Variants in SPOCK3 observed in about 807,000 individuals in gnomAD.
SPOCK3 encodes SPARC (osteonectin), cwcv and kazal like domains proteoglycan 3.
A neutral mutation model predicts 56.6 loss-of-function variants in SPOCK3; 30 were observed. That is an observed-to-expected ratio of 0.53 (90% CI 0.40 to 0.72). The LOEUF (loss-of-function observed/expected upper bound fraction) is 0.72. SPOCK3 is among the 30% of genes least tolerant of loss of function. The pLI, the probability that SPOCK3 is intolerant of heterozygous loss-of-function variation, is 0.00. For synonymous variants in SPOCK3, 196 were observed against 183.3 expected, an observed-to-expected ratio of 1.07 and a Z score of -0.56; for missense variants, 527 against 530.0, an observed-to-expected ratio of 0.99 and a Z score of 0.06.
chr4:166,952,142 T>A, intron 4 of SPOCK3, among the ~76,000 whole-genome samples: 1 of 152,162 alleles, frequency 6.6e-6, no homozygotes, highest in East Asian at 1.9e-4. Flanking sequence ...GTAGTCAAAT[T>A]GTCCCTGTTT....
chr4:166,778,644 T>C (rs1739832868), intron 7 of SPOCK3, among the ~76,000 whole-genome samples: 1 of 152,154 alleles, frequency 6.6e-6, no homozygotes, highest in Non-Finnish European at 1.5e-5. Context: ...TTAAAAATTA[T>C]TTTAGGTTCC....
At chr4:166,915,901 C>G (rs1352631818) in intron 4 of SPOCK3, among the ~76,000 whole-genome samples, 1 of 152,080 alleles carries the variant, frequency 6.6e-6, no homozygotes, top group Non-Finnish European at 1.5e-5. Context: ...AACTTGCTTC[C>G]ACTAATGAAG....
chr4:166,883,481 T>C (rs1733878940), intron 6 of SPOCK3, among the ~76,000 whole-genome samples: 1 of 152,204 alleles, frequency 6.6e-6, no homozygotes, highest in Admixed American at 6.5e-5. Flanking sequence ...ACAGCTATCT[T>C]TTTGTTTATG....
chr4:167,097,510 G>A (rs1390374909), intron 2 of SPOCK3, among the ~76,000 whole-genome samples: 1 of 151,542 alleles, frequency 6.6e-6, no homozygotes, highest in Non-Finnish European at 1.5e-5. Context: ...TAAGATGTGT[G>A]GAGTAGAAGC....
At chr4:167,081,085 C>T (rs937144623) in intron 2 of SPOCK3, among the ~76,000 whole-genome samples, 1 of 151,712 alleles carries the variant, frequency 6.6e-6, no homozygotes. Context: ...TTGAAGCTCA[C>T]CTGATAAATC....
At chr4:167,061,755 T>C (rs1040893244) in intron 3 of SPOCK3, among the ~76,000 whole-genome samples, 1 of 151,986 alleles carries the variant, frequency 6.6e-6, no homozygotes, top group Admixed American at 6.6e-5. Context: ...ATATACTCTA[T>C]GTAAAGAAGA....
chr4:167,000,147 C>T (rs896999187), intron 4 of SPOCK3, among the ~76,000 whole-genome samples: 1 of 152,124 alleles, frequency 6.6e-6, no homozygotes, highest in African/African-American at 2.4e-5. Context: ...ATATATGCCT[C>T]AAATTCTATA....
Position 166,801,611 on chromosome 4 carries a change from ATT to A in SPOCK3, c.590-9324_590-9323del, listed in dbSNP as rs1742603627. Among the ~76,000 whole-genome samples the A allele has an allele frequency of 4.6e-5, 7 of 152,272 alleles. No homozygotes were observed. In the South Asian group the frequency reaches 1.5e-3, roughly 32 times the overall value. Reference sequence around the variant, plus strand: ...AGTTACTGGATCAAATAATATAAATATTTAAAGACTCTCAATACATATAGACA... The same window carrying A: ...AGTTACTGGATCAAATAATATAAATATAAAGACTCTCAATACATATAGACA... On this transcript the variant is annotated intron_variant, in intron 6 of 10. Transcript: ENST00000357545.
chr4:167,162,474 A>G (rs769768154), intron 2 of SPOCK3, among the ~76,000 whole-genome samples: 1 of 152,114 alleles, frequency 6.6e-6, no homozygotes, highest in African/African-American at 2.4e-5. Flanking sequence ...TTAAGTTTAA[A>G]TTATCAAAAG....
intron 6 of SPOCK3, among the ~76,000 whole-genome samples, chr4:166,879,576 C>T (rs1733476512): frequency 6.6e-6 from 1 of 152,094 alleles, no homozygotes; most frequent in Admixed American, 6.6e-5. Context: ...AGGCAAATTA[C>T]CTTGCATATA....
At chr4:166,743,118 T>A (rs1440331517) in intron 8 of SPOCK3, among the ~76,000 whole-genome samples, 2 of 152,088 alleles carry the variant, frequency 1.3e-5, no homozygotes, top group Non-Finnish European at 2.9e-5. Flanking sequence ...ACATATAATA[T>A]GTAATATATA....
At chr4:166,831,771 T>TAA (rs771665694) in intron 6 of SPOCK3, among the ~76,000 whole-genome samples, 2 of 146,876 alleles carry the variant, frequency 1.4e-5, no homozygotes, top group Non-Finnish European at 3.0e-5. Flanking sequence ...TTTTTTTTTT[T>TAA]AAATTTCATT....
At chr4:166,998,691 G>C (rs138488738) in intron 4 of SPOCK3, among the ~76,000 whole-genome samples, 5 of 152,088 alleles carry the variant, frequency 3.3e-5, no homozygotes, top group Non-Finnish European at 7.3e-5. Flanking sequence ...GGGGTGAAGT[G>C]GCAGGTGAAT....
intron 8 of SPOCK3, 64 bp downstream of exon 8, chr4:166,754,443 TA>T: frequency 2.6e-6 from 4 of 1,551,052 alleles, no homozygotes; most frequent in Non-Finnish European, 3.5e-6. Flanking sequence ...TTTATTTTCT[TA>T]AAAAATAAGT....
chr4:167,037,651 G>C (rs1752882061), intron 3 of SPOCK3, among the ~76,000 whole-genome samples: 1 of 152,174 alleles, frequency 6.6e-6, no homozygotes, highest in Admixed American at 6.5e-5. Flanking sequence ...GAGCCCAGAA[G>C]GCACTTGAAC....
At chr4:166,858,686 T>C (rs374582153) in intron 6 of SPOCK3, among the ~76,000 whole-genome samples, 9 of 152,016 alleles carry the variant, frequency 5.9e-5, no homozygotes, top group African/African-American at 1.9e-4. Flanking sequence ...TTTACTAAAA[T>C]TGAAAATAAA....
intron 4 of SPOCK3, among the ~76,000 whole-genome samples, chr4:166,958,164 G>A (rs1743721375): frequency 6.6e-6 from 1 of 152,178 alleles, no homozygotes; most frequent in Admixed American, 6.5e-5. Flanking sequence ...CCTTGATGCT[G>A]TCTTCACAAT....
At chr4:166,848,637 A>G (rs1307715699) in intron 6 of SPOCK3, among the ~76,000 whole-genome samples, 1 of 152,192 alleles carries the variant, frequency 6.6e-6, no homozygotes, top group African/African-American at 2.4e-5. Context: ...ACTCTTGTGT[A>G]TGTACTAACA....
rs1561001641 is a variant in SPOCK3 at position 166,912,674 on chromosome 4, T to C, written c.420A>G (p.Pro140=). 1.9e-6 allele frequency: 3 copies of C among 1,613,590 alleles called. No homozygotes were observed. The highest frequency in any genetic ancestry group is 1.7e-6 in the Non-Finnish European group (2 of 1,179,784). ...CACAAACAGGGCTGGGATAGACCAC[T>C]GGGCACTGCTTGCAGGTGGATAATA... ...GPILSTCKQC[P]VVYPSPVCGS... The change falls in exon 5 of 11, where the codon CCA becomes CCG. Residue 140 remains proline (P), a synonymous_variant. Transcript: ENST00000357545.
Sources: gnomAD v4.1 joint callset for allele counts (sites outside exome capture counted in the v4.1 genomes callset) on GRCh38, gnomAD v4.1.1 for gene constraint, MANE v1.5 for transcripts, NCBI Gene and HGNC (gene_info 2026-07-23, HGNC 2026-07-21) for gene names.